DOCK7: variants seen among roughly 807,000 people sequenced by gnomAD.
The protein encoded by DOCK7 is dedicator of cytokinesis 7.
DOCK7 carries 138 observed loss-of-function variants against 271.0 expected under a neutral mutation model. The observed-to-expected ratio is 0.51, with a 90% CI of 0.44 to 0.59. DOCK7 has a LOEUF of 0.59. Ranked by LOEUF, DOCK7 falls within the 20% of genes least tolerant of loss-of-function variation. The pLI, the probability that DOCK7 is intolerant of heterozygous loss-of-function variation, is 0.00. For missense variants in DOCK7, 2,066 were observed against 2,592.4 expected, an observed-to-expected ratio of 0.80 and a Z score of 4.41; for synonymous variants, 823 against 876.1, an observed-to-expected ratio of 0.94 and a Z score of 1.07.
chr1:62,639,580 G>A lies in DOCK7; in HGVS notation c.819-2977C>T, dbSNP rs529117910. Among the ~76,000 whole-genome samples the A allele has an allele frequency of 2.2e-3, 335 of 151,344 alleles. 1 individual carries two copies. Among genetic ancestry groups the A allele is most frequent in the Non-Finnish European group, 3.4e-3 (230 of 67,764 alleles). ...CTCCCGAGTAGCTGGGATTACAGGC[G>A]CATGCCACCACACCCAGCCAATTTT... On this transcript the variant is annotated intron_variant, in intron 7 of 49. Coordinates refer to ENST00000635253, the MANE Select transcript of DOCK7 (RefSeq NM_001367561.1).
chr1:62,547,748 C>T (rs1368120384), intron 22 of DOCK7, among the ~76,000 whole-genome samples: 2 of 152,120 alleles, frequency 1.3e-5, no homozygotes, highest in African/African-American at 4.8e-5. Context: ...TAAGAAAGCA[C>T]AGCTAGTTTT....
At chr1:62,658,147 AAAAAG>A in intron 2 of DOCK7, among the ~76,000 whole-genome samples, 1 of 151,956 alleles carries the variant, frequency 6.6e-6, no homozygotes, top group African/African-American at 2.4e-5. Flanking sequence ...AAGAAAAAAA[AAAAAG>A]AAAGAAAAGA....
chr1:62,565,788 A>G (rs1235009512), intron 18 of DOCK7, among the ~76,000 whole-genome samples: 1 of 152,186 alleles, frequency 6.6e-6, no homozygotes. Context: ...AGATGACATG[A>G]TTGTATTTTT....
intron 15 of DOCK7, among the ~76,000 whole-genome samples, chr1:62,583,523 T>A (rs746453383): frequency 5.3e-5 from 8 of 152,220 alleles, no homozygotes; most frequent in Non-Finnish European, 7.3e-5. Flanking sequence ...TACATTTCTT[T>A]CCTTTTTCTT....
At chr1:62,492,548 A>G (rs1359628473) in intron 41 of DOCK7, 156 bp downstream of exon 41, 3 of 818,980 alleles carry the variant, frequency 3.7e-6, no homozygotes, top group Non-Finnish European at 5.7e-6. Context: ...TTAGCCTCTC[A>G]AAGTGCTGAG....
intron 15 of DOCK7, chr1:62,584,239 C>G: frequency 4.1e-6 from 4 of 976,932 alleles, no homozygotes; most frequent in Non-Finnish European, 4.9e-6. Flanking sequence ...AGGGTATGTA[C>G]AAGTGTAATA....
chr1:62,637,695 T>C (rs1327014034), intron 7 of DOCK7, among the ~76,000 whole-genome samples: 1 of 152,200 alleles, frequency 6.6e-6, no homozygotes, highest in African/African-American at 2.4e-5. Flanking sequence ...AAAGGGACAT[T>C]TACAAGGATT....
chr1:62,641,605 GC>G, intron 7 of DOCK7: 1 of 470,548 alleles, frequency 2.1e-6, no homozygotes. Flanking sequence ...AAATGTGGAT[GC>G]CCTCGCAACA....
chr1:62,631,010 C>T (rs1259850651), intron 11 of DOCK7, among the ~76,000 whole-genome samples: 1 of 151,712 alleles, frequency 6.6e-6, no homozygotes, highest in Middle Eastern at 3.2e-3. Flanking sequence ...AATGGTGAAA[C>T]CCCATCTCTA....
intron 47 of DOCK7, among the ~76,000 whole-genome samples, chr1:62,474,972 T>C (rs1402923746): frequency 2.6e-5 from 4 of 152,224 alleles, no homozygotes; most frequent in African/African-American, 7.2e-5. Flanking sequence ...TACATAGCTC[T>C]GAAAATGAGT....
chr1:62,491,825 A>C (rs142198060), intron 41 of DOCK7, among the ~76,000 whole-genome samples: 8 of 152,336 alleles, frequency 5.3e-5, no homozygotes, highest in African/African-American at 1.9e-4. Context: ...TTTTAACTTA[A>C]AGGTTTTAGA....
chr1:62,547,354 A>G (rs1270916798), intron 22 of DOCK7, among the ~76,000 whole-genome samples: 1 of 152,218 alleles, frequency 6.6e-6, no homozygotes, highest in Non-Finnish European at 1.5e-5. Context: ...TATGTTTACC[A>G]ATTTCCAACA....
chr1:62,606,662 C>T (rs1651043292), intron 14 of DOCK7, among the ~76,000 whole-genome samples: 1 of 152,078 alleles, frequency 6.6e-6, no homozygotes, highest in South Asian at 2.1e-4. Flanking sequence ...TGGATTATCC[C>T]TTATCTGAAT....
At chr1:62,571,113 C>T (rs900308252) in intron 18 of DOCK7, among the ~76,000 whole-genome samples, 1 of 152,104 alleles carries the variant, frequency 6.6e-6, no homozygotes, top group South Asian at 2.1e-4. Flanking sequence ...TCAGAGTGAA[C>T]AGACAACCTA....
chr1:62,535,689 A>T, intron 28 of DOCK7, 57 bp from the exon 29 acceptor site: 1 of 1,511,664 alleles, frequency 6.6e-7, no homozygotes, highest in South Asian at 1.3e-5. Flanking sequence ...AGCATCCTAC[A>T]GACAGAGCAA....
chr1:62,462,037 C>T (rs915671830), intron 48 of DOCK7, among the ~76,000 whole-genome samples: 1 of 150,608 alleles, frequency 6.6e-6, no homozygotes, highest in Non-Finnish European at 1.5e-5. Context: ...TGCCATTATA[C>T]TCCAGCCTGG....
At chr1:62,561,592 GA>G (rs1429057569) in intron 19 of DOCK7, 24 bp downstream of exon 19, 5 of 1,401,710 alleles carry the variant, frequency 3.6e-6, no homozygotes, top group Non-Finnish European at 3.8e-6. Context: ...AGTGAAATTT[GA>G]TAATAAAAAT....
rs898568988 is a variant in DOCK7 at position 62,683,929 on chromosome 1, GA to G, written c.38+4297del. 3.4e-5 allele frequency among the ~76,000 whole-genome samples: 5 copies of G among 145,312 alleles called. No homozygotes were observed. In the South Asian group the frequency reaches 6.6e-4, roughly 19 times the overall value. ...GCAACAGAGCGAGACCCTATCTCAA[GA>G]AAAAAAAAAGCATAAGATCTGAAAT... On this transcript the variant is annotated intron_variant, in intron 1 of 49. Transcript: ENST00000635253.
chr1:62,491,210 A>C (rs1291726307), intron 41 of DOCK7, among the ~76,000 whole-genome samples: 3 of 152,240 alleles, frequency 2.0e-5, no homozygotes, highest in Non-Finnish European at 2.9e-5. Flanking sequence ...TCTACCCTTT[A>C]TCAATATATT....
Sources: allele counts gnomAD v4.1 joint callset (sites outside exome capture counted in the v4.1 genomes callset), GRCh38; gene constraint gnomAD v4.1.1; transcripts MANE v1.5; gene names NCBI Gene and HGNC (gene_info 2026-07-23, HGNC 2026-07-21).